Variants in TBL1XR1 observed in about 807,000 individuals in gnomAD.
The protein encoded by TBL1XR1 is F-box-like/WD repeat-containing protein TBL1XR1.
TBL1XR1 carries 5 observed loss-of-function variants against 66.9 expected under a neutral mutation model. The ratio of observed to expected loss-of-function variants is 0.07; its 90% CI spans 0.04 to 0.16. TBL1XR1 has a LOEUF of 0.16. TBL1XR1 is among the 10% of genes least tolerant of loss of function. TBL1XR1 has a pLI of 1.00. For missense variants in TBL1XR1, 238 were observed against 623.2 expected, an observed-to-expected ratio of 0.38 and a Z score of 6.58; for synonymous variants, 210 against 206.0, an observed-to-expected ratio of 1.02 and a Z score of -0.17.
rs1714429598 is a variant in TBL1XR1 at position 177,034,185 on chromosome 3, A to G, written c.1250+13T>C. ...GAAGACTCATAAAAGGAAAAATGAA[A>G]CAGAAGTATCACCTTGCTAACATAA... is the stretch of plus-strand genomic sequence containing the variant. On this transcript the variant is annotated intron_variant, in intron 13 of 15. Transcript: ENST00000457928. The G allele has an allele frequency of 1.9e-6, 3 of 1,600,276 alleles. No individual in the cohort carries two copies. The highest frequency in any genetic ancestry group is 2.5e-6 in the Non-Finnish European group (3 of 1,176,568).
chr3:177,050,261 C>T, intron 6 of TBL1XR1, 123 bp from the exon 7 acceptor site: 1 of 1,358,726 alleles, frequency 7.4e-7, no homozygotes, highest in South Asian at 1.5e-5. Context: ...TTTTCATTTC[C>T]AGTATTTTTC....
intron 2 of TBL1XR1, among the ~76,000 whole-genome samples, chr3:177,089,404 TG>T (rs1460387267): frequency 1.3e-5 from 2 of 152,268 alleles, no homozygotes; most frequent in Non-Finnish European, 2.9e-5. Context: ...TGGGGGTTAG[TG>T]GACAAATTAC....
chr3:177,112,857 G>A (rs1427128884), intron 1 of TBL1XR1, among the ~76,000 whole-genome samples: 1 of 152,002 alleles, frequency 6.6e-6, no homozygotes, highest in African/African-American at 2.4e-5. Context: ...ACAAAAATTA[G>A]TCGGGCGTGG....
intron 1 of TBL1XR1, among the ~76,000 whole-genome samples, chr3:177,168,705 T>C (rs999705506): frequency 1.3e-5 from 2 of 152,234 alleles, no homozygotes; most frequent in African/African-American, 2.4e-5. Flanking sequence ...CTCTACAAAC[T>C]TGTATACATT....
chr3:177,158,826 C>T (rs1731830431), intron 1 of TBL1XR1, among the ~76,000 whole-genome samples: 1 of 152,112 alleles, frequency 6.6e-6, no homozygotes, highest in Non-Finnish European at 1.5e-5. Context: ...TTAACCTAAC[C>T]TCCCCAGCCC....
chr3:177,188,849 T>C (rs1735764368), intron 1 of TBL1XR1, among the ~76,000 whole-genome samples: 1 of 152,216 alleles, frequency 6.6e-6, no homozygotes, highest in Non-Finnish European at 1.5e-5. Flanking sequence ...AAAGCAGAGC[T>C]TTCAATCTAA....
At chr3:177,101,010 T>G (rs915237160) in intron 1 of TBL1XR1, among the ~76,000 whole-genome samples, 3 of 152,018 alleles carry the variant, frequency 2.0e-5, no homozygotes, top group African/African-American at 4.8e-5. Context: ...CACGCGCCAC[T>G]ACACCTGGCT....
In TBL1XR1 at chr3:177,020,377, ATAG is replaced by A. The variant is rs1712194374; in HGVS notation, c.*5118_*5120del. The stretch of plus-strand genomic sequence containing the variant: ...GATGCTCTATTATACTTTAATAAAA[ATAG>A]TAAATAACCCCTTCATTTAAAAAAA... On this transcript the variant is annotated 3_prime_UTR_variant, in exon 16 of 16. Coordinates refer to ENST00000457928, the MANE Select transcript of TBL1XR1 (RefSeq NM_024665.7). 1 of 152,208 alleles carries A rather than the reference ATAG, an allele frequency of 6.6e-6. No homozygotes were observed. Among genetic ancestry groups the A allele is most frequent in the Non-Finnish European group, 1.5e-5 (1 of 68,016 alleles). The allele number at this position is 152,208 out of a possible 1,614,324, so 9.4% of individuals were successfully genotyped here.
intron 1 of TBL1XR1, among the ~76,000 whole-genome samples, chr3:177,122,288 TAA>T (rs11342009): frequency 0.17 from 23,906 of 142,830 alleles, 2,293 homozygotes; most frequent in East Asian, 0.45. Context: ...ATAAGACAGA[TAA>T]AAAAAAAAAA....
intron 1 of TBL1XR1, among the ~76,000 whole-genome samples, chr3:177,162,978 G>A (rs1732403457): frequency 6.6e-6 from 1 of 152,206 alleles, no homozygotes; most frequent in African/African-American, 2.4e-5. Context: ...TGTGAAGTCA[G>A]TCTGGCAGTC....
At chr3:177,176,662 A>T (rs1331023666) in intron 1 of TBL1XR1, among the ~76,000 whole-genome samples, 4 of 151,832 alleles carry the variant, frequency 2.6e-5, no homozygotes, top group African/African-American at 9.7e-5. Context: ...AAAAACACAA[A>T]AAATTAGCCA....
At chr3:177,127,500 A>C (rs908251240) in intron 1 of TBL1XR1, among the ~76,000 whole-genome samples, 1 of 151,944 alleles carries the variant, frequency 6.6e-6, no homozygotes, top group African/African-American at 2.4e-5. Context: ...TTTGGATTGC[A>C]ATCATTGTTG....
At chr3:177,080,025 T>C (rs879290240) in intron 2 of TBL1XR1, 2 of 152,168 alleles carry the variant, frequency 1.3e-5, no homozygotes, top group Non-Finnish European at 2.9e-5. Flanking sequence ...AAGATGAATT[T>C]AGGAAGAATC....
At chr3:177,141,296 A>C (rs1577291982) in intron 1 of TBL1XR1, among the ~76,000 whole-genome samples, 1 of 152,216 alleles carries the variant, frequency 6.6e-6, no homozygotes, top group Non-Finnish European at 1.5e-5. Flanking sequence ...ACTTTTAAAT[A>C]ATTTAAAAAC....
intron 1 of TBL1XR1, among the ~76,000 whole-genome samples, chr3:177,175,059 T>G (rs892131420): frequency 6.6e-6 from 1 of 152,232 alleles, no homozygotes; most frequent in Non-Finnish European, 1.5e-5. Flanking sequence ...GACACCTGCC[T>G]TCTTCTCATG....
rs1171584486 is a variant in TBL1XR1, at chr3:177,019,688, T to G, written c.*5810A>C. Reference sequence around the variant, plus strand: ...AATAAATCTAATCCATTGTAAAGTGTTAACTATGAAATTAAAAATAATCCC... The same window carrying G: ...AATAAATCTAATCCATTGTAAAGTGGTAACTATGAAATTAAAAATAATCCC... On this transcript the variant is annotated 3_prime_UTR_variant, in exon 16 of 16. Transcript: ENST00000457928. 1.3e-5 allele frequency: 2 copies of G among 152,172 alleles called. No homozygotes were observed. The highest frequency in any genetic ancestry group is 2.9e-5 in the Non-Finnish European group (2 of 68,026). The allele number at this position is 152,172 out of a possible 1,614,324, so 9.4% of individuals were successfully genotyped here.
intron 10 of TBL1XR1, 79 bp from the exon 11 acceptor site, chr3:177,038,513 G>A: frequency 2.2e-6 from 3 of 1,342,162 alleles, no homozygotes; most frequent in East Asian, 2.6e-5. Context: ...AACCATTGTT[G>A]ACTAATAAAA....
At chr3:177,038,470 C>T (rs770190215) in intron 10 of TBL1XR1, 36 bp from the exon 11 acceptor site, 3 of 1,462,226 alleles carry the variant, frequency 2.1e-6, no homozygotes, top group Non-Finnish European at 9.1e-7. Context: ...GCTTTTATTC[C>T]ACATGTACTA....
Position 177,028,400 on chromosome 3 carries a change from G to A in TBL1XR1, c.1417-1926C>T, listed in dbSNP as rs141107821. 3.8e-3 allele frequency among the ~76,000 whole-genome samples: 574 copies of A among 152,270 alleles called. 2 individuals carry two copies. The highest frequency in any genetic ancestry group is 0.013 in the African/African-American group (542 of 41,550). On this transcript the variant is annotated intron_variant, in intron 14 of 15. Coordinates refer to ENST00000457928, the MANE Select transcript of TBL1XR1 (RefSeq NM_024665.7). ...TAGTATCTTCCATTAGCACTCTACA[G>A]TTCTATGCCCAAATTTCATTAAAAT...
Sources: gnomAD v4.1 joint callset for allele counts (sites outside exome capture counted in the v4.1 genomes callset) on GRCh38, gnomAD v4.1.1 for gene constraint, MANE v1.5 for transcripts, NCBI Gene and HGNC (gene_info 2026-07-23, HGNC 2026-07-21) for gene names.